ZNF267: variants seen among roughly 807,000 people sequenced by gnomAD.
The protein encoded by ZNF267 is zinc finger protein 267, also known as zinc finger (C2H2).
ZNF267 carries 61 observed loss-of-function variants against 71.6 expected under a neutral mutation model. The ratio of observed to expected loss-of-function variants is 0.85; its 90% CI spans 0.69 to 1.05. The LOEUF (loss-of-function observed/expected upper bound fraction) is 1.05, where lower values mean the gene tolerates loss of function less well. ZNF267 is among the 50% of genes least tolerant of loss of function. The pLI, the probability that ZNF267 is intolerant of heterozygous loss-of-function variation, is 0.00. For synonymous variants in ZNF267, 288 were observed against 293.2 expected (o/e 0.98, Z 0.18); for missense variants, 852 against 870.0 (o/e 0.98, Z 0.26).
chr16:31,906,095 A>G (rs1253365217), intron 3 of ZNF267, among the ~76,000 whole-genome samples: 1 of 152,190 alleles, frequency 6.6e-6, no homozygotes, highest in Non-Finnish European at 1.5e-5. Context: ...GCTGCTGAAC[A>G]GCGGATATTG....
chr16:31,881,676 T>TC (rs1224287504), intron 1 of ZNF267, among the ~76,000 whole-genome samples: 1 of 148,544 alleles, frequency 6.7e-6, no homozygotes, highest in African/African-American at 2.5e-5. Context: ...TCTTCTTTTT[T>TC]TTTTTTTTTT....
At chr16:31,882,191 A>T (rs2083895295) in intron 1 of ZNF267, among the ~76,000 whole-genome samples, 1 of 152,216 alleles carries the variant, frequency 6.6e-6, no homozygotes, top group Non-Finnish European at 1.5e-5. Context: ...GTGAGCACAT[A>T]GTACAAGCTC....
intron 3 of ZNF267, among the ~76,000 whole-genome samples, chr16:31,897,889 G>T (rs541671517): frequency 2.0e-4 from 31 of 152,222 alleles, no homozygotes; most frequent in Non-Finnish European, 4.1e-4. Flanking sequence ...TTAAAAAGTT[G>T]TCTATCTGGA....
chr16:31,915,163 G>C lies in ZNF267; in HGVS notation c.914G>C (p.Ser305Thr). The C allele has an allele frequency of 6.2e-7, 1 of 1,612,424 alleles. No homozygotes were observed. Among genetic ancestry groups the C allele is most frequent in the South Asian group, 1.1e-5 (1 of 90,806 alleles). The change falls in exon 4 of 4, where the codon AGT becomes ACT. Residue 305 changes from serine to threonine, a missense_variant. Physicochemically the swap from Ser to Thr is moderately conservative, Grantham distance 58. Transcript: ENST00000300870. ...TATAACAAATATGATAAAGATCTTA[G>C]TCAGTCATCAAATCTTAGAAAGCAG... is the stretch of plus-strand genomic sequence containing the variant. Reference protein sequence around the residue: ...YSYNKYDKDLSQSSNLRKQII... With the variant: ...YSYNKYDKDLTQSSNLRKQII...
intron 3 of ZNF267, among the ~76,000 whole-genome samples, chr16:31,899,845 A>G (rs2084025450): frequency 6.6e-6 from 1 of 152,202 alleles, no homozygotes; most frequent in Non-Finnish European, 1.5e-5. Flanking sequence ...ATATACTCAT[A>G]TGAGTGTATT....
Position 31,916,371 on chromosome 16 carries a change from A to G in ZNF267, c.2122A>G (p.Arg708Gly), listed in dbSNP as rs1187879123. 1 of 1,614,076 alleles carries G rather than the reference A, an allele frequency of 6.2e-7. No homozygotes were observed. The highest frequency in any genetic ancestry group is 1.7e-5 in the Admixed American group (1 of 60,016). The change falls in exon 4 of 4, where the codon AGA becomes GGA. Residue 708 changes from arginine to glycine, a missense_variant. Transcript: ENST00000300870. ...SYRSYLTTHR[R>G]SHSGERPYKC... ...TAGGTCATACCTCACTACACATCGG[A>G]GAAGTCATAGTGGAGAGAGACCCTA...
At chr16:31,909,120 C>CTTTTTTTTTTTTTTTTTTTTTTTTTTTTT (rs34409182) in intron 3 of ZNF267, among the ~76,000 whole-genome samples, 3 of 45,330 alleles carry the variant, frequency 6.6e-5, no homozygotes, top group African/African-American at 2.6e-4. Flanking sequence ...CTTTTCTTTT[C>CTTTTTTTTTTTTTTTTTTTTTTTTTTTTT]TTTTTTTTTT....
chr16:31,877,834 G>A (rs1232526970), intron 1 of ZNF267, among the ~76,000 whole-genome samples: 1 of 151,222 alleles, frequency 6.6e-6, no homozygotes, highest in Non-Finnish European at 1.5e-5. Flanking sequence ...TTTTTGCCCT[G>A]TATGTATTTA....
chr16:31,900,467 C>G (rs148313003), intron 3 of ZNF267, among the ~76,000 whole-genome samples: 1 of 152,044 alleles, frequency 6.6e-6, no homozygotes, highest in Admixed American at 6.5e-5. Context: ...TTTCCTGAAA[C>G]GGAGTCTCGC....
chr16:31,877,999 G>T (rs1479022314), intron 1 of ZNF267, among the ~76,000 whole-genome samples: 1 of 152,174 alleles, frequency 6.6e-6, no homozygotes, highest in Non-Finnish European at 1.5e-5. Flanking sequence ...TGGAAGTATA[G>T]ATAGGGCCCC....
intron 3 of ZNF267, chr16:31,890,144 A>G (rs1214592811): frequency 6.6e-6 from 1 of 152,176 alleles, no homozygotes; most frequent in African/African-American, 2.4e-5. Flanking sequence ...ATGGTGTTAT[A>G]CAGGTGAACT....
chr16:31,915,638 TTACAAATG>T lies in ZNF267; in HGVS notation c.1392_1399del (p.Tyr464Ter). On this transcript the variant is annotated frameshift_variant, in exon 4 of 4. Transcript: ENST00000300870. LOFTEE classifies it high-confidence loss of function. ...AGACAACTCATACAGGAGAAAAACT[TTACAAATG>T]TAAAGTATGTAGCAAATCTTATGCT... 2 of 1,613,678 alleles carry T rather than the reference TTACAAATG, an allele frequency of 1.2e-6. No homozygotes were observed. The highest frequency in any genetic ancestry group is 1.7e-6 in the Non-Finnish European group (2 of 1,179,932).
chr16:31,888,111 TAAAA>T (rs59120978), intron 3 of ZNF267, among the ~76,000 whole-genome samples: 17 of 152,014 alleles, frequency 1.1e-4, no homozygotes, highest in African/African-American at 3.9e-4. Context: ...TTATAAAATT[TAAAA>T]AAAATTTTTG....
intron 3 of ZNF267, among the ~76,000 whole-genome samples, chr16:31,886,593 C>A (rs1056874637): frequency 6.6e-6 from 1 of 152,184 alleles, no homozygotes; most frequent in African/African-American, 2.4e-5. Context: ...AATTGTTTTC[C>A]ATAAAACTGG....
intron 1 of ZNF267, among the ~76,000 whole-genome samples, chr16:31,878,824 A>G (rs897094310): frequency 1.3e-5 from 2 of 152,240 alleles, no homozygotes; most frequent in Non-Finnish European, 2.9e-5. Flanking sequence ...TCCAGCACCT[A>G]TTGGAACTCA....
At chr16:31,881,783 C>T (rs1355600202) in intron 1 of ZNF267, among the ~76,000 whole-genome samples, 2 of 151,112 alleles carry the variant, frequency 1.3e-5, no homozygotes, top group Non-Finnish European at 1.5e-5. Context: ...TCTCCTGCCT[C>T]AGCCTCCCGA....
At position 31,917,309 on chromosome 16, in the gene ZNF267, T is replaced by C. The variant is rs1555463684; in HGVS notation, c.*828T>C. 6.6e-6 allele frequency: 1 copy of C among 152,092 alleles called. No homozygotes were observed. Among genetic ancestry groups the C allele is most frequent in the Non-Finnish European group, 1.5e-5 (1 of 68,010 alleles). The allele number at this position is 152,092 out of a possible 1,614,324, so 9.4% of individuals were successfully genotyped here. On this transcript the variant is annotated 3_prime_UTR_variant, in exon 4 of 4. Coordinates refer to ENST00000300870, the MANE Select transcript of ZNF267 (RefSeq NM_003414.6). ...TAAAGTAGTAATGCATGTAAACATA[T>C]ACGTGTTTAGAGCTCTTTTCTATAT...
chr16:31,876,810 A>G (rs1478314195), intron 1 of ZNF267, among the ~76,000 whole-genome samples: 4 of 152,162 alleles, frequency 2.6e-5, no homozygotes, highest in African/African-American at 4.8e-5. Context: ...AGAGAGTGCA[A>G]ACTAACCTGG....
intron 3 of ZNF267, among the ~76,000 whole-genome samples, chr16:31,893,686 G>C (rs763487162): frequency 6.6e-6 from 1 of 152,176 alleles, no homozygotes; most frequent in Non-Finnish European, 1.5e-5. Context: ...CTCAGGTTAA[G>C]CATAACTGCT....
Sources: allele counts gnomAD v4.1 joint callset (sites outside exome capture counted in the v4.1 genomes callset), GRCh38; gene constraint gnomAD v4.1.1; transcripts MANE v1.5; gene names NCBI Gene and HGNC (gene_info 2026-07-23, HGNC 2026-07-21).